MYBPC1: variants seen among roughly 807,000 people sequenced by gnomAD.
MYBPC1 encodes myosin-binding protein C, slow-type.
Under a neutral mutation model 147.1 loss-of-function variants are expected in MYBPC1, and 52 were observed. That is an observed-to-expected ratio of 0.35 (90% confidence interval 0.28 to 0.45). MYBPC1 has a LOEUF of 0.45. Among genes scored for constraint, MYBPC1 ranks in the 20% least tolerant of loss-of-function variants. The pLI, the probability that MYBPC1 is intolerant of heterozygous loss-of-function variation, is 1.00. For missense variants in MYBPC1, 1,228 were observed against 1,440.3 expected, an observed-to-expected ratio of 0.85 and a Z score of 2.39; for synonymous variants, 477 against 475.9, an observed-to-expected ratio of 1.00 and a Z score of -0.03.
chr12:101,597,960 G>T (rs1476138838), intron 1 of MYBPC1, among the ~76,000 whole-genome samples: 1 of 151,080 alleles, frequency 6.6e-6, no homozygotes, highest in Non-Finnish European at 1.5e-5. Context: ...TTGAGTACAA[G>T]TAAGTGCCCG....
chr12:101,658,364 T>C (rs963908182), intron 18 of MYBPC1, among the ~76,000 whole-genome samples: 3 of 146,946 alleles, frequency 2.0e-5, no homozygotes, highest in Non-Finnish European at 4.5e-5. Flanking sequence ...AAAATAGAAA[T>C]AGAGGGAAAT....
the MYBPC1 span, among the ~76,000 whole-genome samples, chr12:101,695,447 T>C: frequency 6.6e-6 from 1 of 152,202 alleles, no homozygotes; most frequent in Admixed American, 6.5e-5. Context: ...TCTGGAATTT[T>C]CTATTTAATA....
Position 101,636,656 on chromosome 12 carries a change from C to CT in MYBPC1, c.609-12dup, listed in dbSNP as rs776334310. On this transcript the variant is annotated splice_polypyrimidine_tract_variant and intron_variant, in intron 9 of 31. Coordinates refer to ENST00000361466, the MANE Select transcript of MYBPC1 (RefSeq NM_002465.4). ...CTGCATTAAACCCAGATTTGCTTTT[C>CT]TTTTGTTAACGACAGTGGAGAAGGT... The CT allele has an allele frequency of 1.6e-5, 26 of 1,612,952 alleles. No individual in the cohort carries two copies. In the Admixed American group the frequency reaches 2.8e-4, roughly 18 times the overall value.
chr12:101,677,679 T>C (rs1163428426), intron 27 of MYBPC1, among the ~76,000 whole-genome samples: 6 of 152,218 alleles, frequency 3.9e-5, no homozygotes, highest in Admixed American at 6.5e-5. Flanking sequence ...AGACATTTTC[T>C]TCTAGAGTTT....
intron 3 of MYBPC1, 40 bp from the exon 4 acceptor site, chr12:101,626,832 T>A: frequency 6.5e-7 from 1 of 1,547,198 alleles, no homozygotes. Flanking sequence ...TGGGATGAAG[T>A]CTTTTCTCCT....
At chr12:101,640,200 C>T (rs547847606) in intron 10 of MYBPC1, among the ~76,000 whole-genome samples, 69 of 152,068 alleles carry the variant, frequency 4.5e-4, no homozygotes, top group African/African-American at 1.6e-3. Context: ...TTTGTAGAGA[C>T]GGGGTTTCAC....
intron 10 of MYBPC1, among the ~76,000 whole-genome samples, chr12:101,641,802 C>T (rs538578576): frequency 7.5e-4 from 112 of 149,782 alleles, no homozygotes; most frequent in African/African-American, 2.7e-3. Flanking sequence ...ATGTGAAAAA[C>T]AAACAAAAAA....
At chr12:101,610,566 A>G (rs758747610) in intron 1 of MYBPC1, among the ~76,000 whole-genome samples, 20 of 152,274 alleles carry the variant, frequency 1.3e-4, no homozygotes, top group Middle Eastern at 6.8e-3. Context: ...AAAGCCATGA[A>G]AAGTTAAAGT....
intron 10 of MYBPC1, among the ~76,000 whole-genome samples, chr12:101,639,356 T>G (rs1259865224): frequency 6.6e-6 from 1 of 152,180 alleles, no homozygotes; most frequent in Non-Finnish European, 1.5e-5. Context: ...TAACTTAACA[T>G]AGCCATGCAG....
rs148983667 is a variant in MYBPC1, at chr12:101,615,523, T to A, written c.61+992T>A. On this transcript the variant is annotated intron_variant, in intron 2 of 31. Transcript: ENST00000361466. ...TGCAAGCATATTGTACCAGATGTAG[T>A]GGGGAACTCTACATAGAAAACATCT... 5.3e-4 allele frequency among the ~76,000 whole-genome samples: 81 copies of A among 152,282 alleles called. 2 individuals carry two copies. Among genetic ancestry groups the A allele is most frequent in the African/African-American group, 1.7e-3 (69 of 41,570 alleles).
chr12:101,651,474 G>A, intron 16 of MYBPC1, 81 bp downstream of exon 16: 2 of 1,558,766 alleles, frequency 1.3e-6, no homozygotes, highest in East Asian at 2.2e-5. Context: ...ATTTGGTGAG[G>A]ATATTTGAAG....
At chr12:101,676,715 C>A (rs1900072153) in intron 26 of MYBPC1, among the ~76,000 whole-genome samples, 1 of 151,988 alleles carries the variant, frequency 6.6e-6, no homozygotes, top group Admixed American at 6.6e-5. Context: ...TGCATCACTG[C>A]ACTCCAGCCT....
At chr12:101,632,752 C>CA (rs1282472419) in intron 8 of MYBPC1, among the ~76,000 whole-genome samples, 6 of 152,152 alleles carry the variant, frequency 3.9e-5, no homozygotes, top group Non-Finnish European at 8.8e-5. Context: ...TTATTTGAGA[C>CA]AGAGTCTCAC....
chr12:101,679,960 A>G (rs1950829894), intron 28 of MYBPC1, among the ~76,000 whole-genome samples: 1 of 152,256 alleles, frequency 6.6e-6, no homozygotes, highest in Non-Finnish European at 1.5e-5. Context: ...ATATGTACAC[A>G]TTGTGTAATG....
chr12:101,652,969 T>A (rs1894798304), intron 17 of MYBPC1, 146 bp from the exon 18 acceptor site: 1 of 1,214,218 alleles, frequency 8.2e-7, no homozygotes, highest in East Asian at 2.5e-5. Flanking sequence ...TTTTGCAAGG[T>A]GCCAGGCACC....
chr12:101,694,828 A>T, the MYBPC1 span, among the ~76,000 whole-genome samples: 1 of 151,592 alleles, frequency 6.6e-6, no homozygotes. Flanking sequence ...TAGTTCATTA[A>T]TTTTTTACTG....
intron 1 of MYBPC1, among the ~76,000 whole-genome samples, chr12:101,611,449 T>C (rs561029600): frequency 2.6e-5 from 4 of 152,358 alleles, no homozygotes; most frequent in East Asian, 1.9e-4. Flanking sequence ...TTGGCCTTAG[T>C]TGGATTTTAA....
chr12:101,678,835 ACTT>A (rs572352078), intron 28 of MYBPC1, among the ~76,000 whole-genome samples: 67 of 152,336 alleles, frequency 4.4e-4, no homozygotes, highest in African/African-American at 1.5e-3. Flanking sequence ...AAATTTATGA[ACTT>A]CTTTTTTTCC....
intron 22 of MYBPC1, 119 bp from the exon 23 acceptor site, chr12:101,667,613 C>A: frequency 1.7e-6 from 2 of 1,188,682 alleles, no homozygotes; most frequent in Admixed American, 3.9e-5. Context: ...GTCATAATGT[C>A]TCTAAATGAT....
Sources: gnomAD v4.1 joint callset for allele counts (sites outside exome capture counted in the v4.1 genomes callset) on GRCh38, gnomAD v4.1.1 for gene constraint, MANE v1.5 for transcripts, NCBI Gene and HGNC (gene_info 2026-07-23, HGNC 2026-07-21) for gene names.